Variants in RARB observed in about 807,000 individuals in gnomAD.
RARB encodes HBV-activated protein.
RARB carries 17 observed loss-of-function variants against 51.9 expected under a neutral mutation model. That is an observed-to-expected ratio of 0.33 (90% confidence interval 0.22 to 0.49). The LOEUF (loss-of-function observed/expected upper bound fraction) is 0.49, where lower values mean the gene tolerates loss of function less well. RARB is among the 20% of genes least tolerant of loss of function. The pLI, the probability that RARB is intolerant of heterozygous loss-of-function variation, is 0.99. For missense variants in RARB, 369 were observed against 550.8 expected, an observed-to-expected ratio of 0.67 and a Z score of 3.30; for synonymous variants, 215 against 195.4, an observed-to-expected ratio of 1.10 and a Z score of -0.84.
Position 25,580,638 on chromosome 3 carries a change from G to C in RARB, c.702G>C (p.Glu234Asp), listed in dbSNP as rs1270694007. ...CCAAGTGCATTATTAAGATCGTGGA[G>C]TTTGCTAAACGTCTGCCTGGTTTCA... ...LATKCIIKIVEFAKRLPGFTG... is the reference protein window; with the variant it reads ...LATKCIIKIVDFAKRLPGFTG... Residue 234 changes from glutamate to aspartate, a missense_variant, in exon 5 of 8, where the codon GAG (glutamate) becomes GAC (aspartate). Physicochemically the swap from Glu to Asp is conservative, Grantham distance 45. Transcript: ENST00000330688. The C allele has an allele frequency of 2.5e-6, 4 of 1,613,294 alleles. No individual in the cohort carries two copies. The highest frequency in any genetic ancestry group is 3.4e-6 in the Non-Finnish European group (4 of 1,179,430).
At chr3:25,079,900 G>T (rs1025343750) in intron 3 of RARB, among the ~76,000 whole-genome samples, 1 of 152,062 alleles carries the variant, frequency 6.6e-6, no homozygotes, top group East Asian at 1.9e-4. Flanking sequence ...GTTGTAAAGG[G>T]TTTTATTCTA....
chr3:25,273,738 G>A (rs983514922), intron 5 of RARB, among the ~76,000 whole-genome samples: 3 of 152,226 alleles, frequency 2.0e-5, no homozygotes, highest in Non-Finnish European at 2.9e-5. Flanking sequence ...CCTTAGAATA[G>A]GAAAGCAGTT....
chr3:25,184,795 G>C (rs1053767204), intron 5 of RARB, among the ~76,000 whole-genome samples: 3 of 152,068 alleles, frequency 2.0e-5, no homozygotes, highest in African/African-American at 7.2e-5. Context: ...GCGGGACTGA[G>C]TCAGGAGGAT....
At position 25,293,851 on chromosome 3, in the gene RARB, T is replaced by C. The variant is rs6801754; in HGVS notation, c.178+119276T>C. ...CCAGCCTCACAGGGTCACAACCTAG[T>C]TGCATTTTTGAAATTCAAGCCAAGA... is the stretch of plus-strand genomic sequence containing the variant. On this transcript the variant is annotated intron_variant, in intron 5 of 11. Transcript: ENST00000383772. Among the ~76,000 whole-genome samples, 621 of 152,224 alleles carry C rather than the reference T, an allele frequency of 4.1e-3. 4 individuals carry two copies. Among genetic ancestry groups the C allele is most frequent in the African/African-American group, 0.014 (589 of 41,542 alleles).
intron 4 of RARB, among the ~76,000 whole-genome samples, chr3:25,578,838 T>C (rs1559476926): frequency 6.6e-6 from 1 of 152,268 alleles, no homozygotes; most frequent in African/African-American, 2.4e-5. Context: ...TCACTTCCTG[T>C]AGACTGATTT....
chr3:25,224,572 G>C (rs1702013267), intron 5 of RARB, among the ~76,000 whole-genome samples: 1 of 152,092 alleles, frequency 6.6e-6, no homozygotes, highest in Non-Finnish European at 1.5e-5. Context: ...GAAATTAGGT[G>C]TTCAGGTAAG....
At chr3:25,087,422 G>A (rs901928545) in intron 3 of RARB, among the ~76,000 whole-genome samples, 6 of 152,112 alleles carry the variant, frequency 3.9e-5, no homozygotes, top group African/African-American at 1.4e-4. Flanking sequence ...GTAGGTGGAA[G>A]AAGCCATAAT....
Position 25,259,116 on chromosome 3 carries a change from A to T in RARB, c.178+84541A>T, listed in dbSNP as rs540784503. ...AAGAACTGTCTCATTCAAAATGACA[A>T]TAACACACCTCTCAAGAAACACTAT... On this transcript the variant is annotated intron_variant, in intron 5 of 11. Coordinates refer to the RARB transcript ENST00000383772. The T allele has an allele frequency of 7.3e-6, 7 of 963,374 alleles. No homozygotes were observed. The African/African-American group carries it at 1.2e-4, about 17-fold the overall frequency. The allele number at this position is 963,374 out of a possible 1,614,324, so 59.7% of individuals were successfully genotyped here.
At chr3:25,087,088 A>G (rs1160037560) in intron 3 of RARB, among the ~76,000 whole-genome samples, 1 of 152,140 alleles carries the variant, frequency 6.6e-6, no homozygotes, top group Non-Finnish European at 1.5e-5. Context: ...GATTTTTTTC[A>G]GGGCCTGCTA....
chr3:25,421,374 GACATTGCACTA>G (rs1391397094), intron 5 of RARB, among the ~76,000 whole-genome samples: 2 of 144,322 alleles, frequency 1.4e-5, no homozygotes, highest in Non-Finnish European at 3.0e-5. Flanking sequence ...TGTCCTTGCA[GACATTGCACTA>G]ACATTTTTTC....
intron 2 of RARB, among the ~76,000 whole-genome samples, chr3:25,051,082 C>A (rs1182394568): frequency 6.6e-6 from 1 of 152,158 alleles, no homozygotes; most frequent in East Asian, 1.9e-4. Flanking sequence ...CTTTGATATG[C>A]CATGTTTAAC....
chr3:25,291,696 C>T (rs959736176), intron 5 of RARB, among the ~76,000 whole-genome samples: 1 of 151,964 alleles, frequency 6.6e-6, no homozygotes, highest in Admixed American at 6.6e-5. Flanking sequence ...TTTAGAAAAT[C>T]CAACCATTCT....
At chr3:24,845,497 G>A (rs1408418213) in intron 1 of RARB, among the ~76,000 whole-genome samples, 1 of 152,186 alleles carries the variant, frequency 6.6e-6, no homozygotes, top group African/African-American at 2.4e-5. Context: ...AGAGAATCAT[G>A]CATGGGAGAT....
intron 3 of RARB, among the ~76,000 whole-genome samples, chr3:25,061,881 A>G (rs1224316719): frequency 6.6e-6 from 1 of 151,862 alleles, no homozygotes; most frequent in Non-Finnish European, 1.5e-5. Context: ...ATACTCTAAT[A>G]AAGTTTAAAT....
At chr3:25,104,018 G>A (rs1321178849) in intron 3 of RARB, among the ~76,000 whole-genome samples, 4 of 152,150 alleles carry the variant, frequency 2.6e-5, no homozygotes, top group African/African-American at 9.7e-5. Flanking sequence ...AGACAGATAT[G>A]CCGTACAGTT....
rs2125415458 is a variant in RARB, at chr3:25,280,180, T to G, written c.178+105605T>G. On this transcript the variant is annotated intron_variant, in intron 5 of 11. Transcript: ENST00000383772. ...AGTAGGCAGTCATGGAGAAATATGATTGGAGGACAAGAGGGTATAATCTAA... is the reference window on the plus strand; with the variant it reads ...AGTAGGCAGTCATGGAGAAATATGAGTGGAGGACAAGAGGGTATAATCTAA... Among the ~76,000 whole-genome samples the G allele has an allele frequency of 1.3e-5, 2 of 152,282 alleles. 1 individual carries two copies. Among genetic ancestry groups the G allele is most frequent in the Middle Eastern group, 6.8e-3 (2 of 294 alleles).
chr3:25,073,365 C>T (rs1054916232), intron 3 of RARB, among the ~76,000 whole-genome samples: 1 of 152,172 alleles, frequency 6.6e-6, no homozygotes, highest in African/African-American at 2.4e-5. Flanking sequence ...CAATGCAGGT[C>T]ATCACTTGAT....
intron 5 of RARB, among the ~76,000 whole-genome samples, chr3:25,231,419 A>T (rs1355765751): frequency 6.6e-6 from 1 of 152,116 alleles, no homozygotes; most frequent in African/African-American, 2.4e-5. Context: ...TCCAAAGTCA[A>T]ACCAAGAAAT....
At chr3:25,163,086 C>G (rs1212017297) in intron 4 of RARB, among the ~76,000 whole-genome samples, 1 of 152,152 alleles carries the variant, frequency 6.6e-6, no homozygotes, top group Admixed American at 6.5e-5. Context: ...ATTGCAAAAC[C>G]TTGAGAGAGG....
Sources: allele counts gnomAD v4.1 joint callset (sites outside exome capture counted in the v4.1 genomes callset), GRCh38; gene constraint gnomAD v4.1.1; transcripts MANE v1.5; gene names NCBI Gene and HGNC (gene_info 2026-07-23, HGNC 2026-07-21).